BICDL1: variants seen among roughly 807,000 people sequenced by gnomAD.
BICDL1 encodes BICD family like cargo adaptor 1.
In BICDL1, 20 loss-of-function variants were observed where a neutral mutation model predicts 76.8. The ratio of observed to expected loss-of-function variants is 0.26; its 90% CI spans 0.18 to 0.38. BICDL1 has a LOEUF of 0.38. BICDL1 is among the 10% of genes least tolerant of loss of function. The pLI, the probability that BICDL1 is intolerant of heterozygous loss-of-function variation, is 1.00. For synonymous variants in BICDL1, 383 were observed against 337.1 expected (o/e 1.14, Z -1.49); for missense variants, 700 against 798.6 (o/e 0.88, Z 1.49).
chr12:120,090,626 C>T (rs899904837), intron 9 of BICDL1: 2 of 350,786 alleles, frequency 5.7e-6, no homozygotes, highest in Non-Finnish European at 1.1e-5. Context: ...GGGTTTTGTT[C>T]GTGAGGTTGA....
chr12:120,089,585 TTGGTCAGGC>T (rs1566273239), intron 8 of BICDL1, among the ~76,000 whole-genome samples: 2 of 152,192 alleles, frequency 1.3e-5, no homozygotes, highest in Non-Finnish European at 1.5e-5. Flanking sequence ...TTTCTCCATG[TTGGTCAGGC>T]TGGTCTCGAA....
intron 2 of BICDL1, among the ~76,000 whole-genome samples, chr12:120,025,333 A>T (rs1952275899): frequency 6.6e-6 from 1 of 151,996 alleles, no homozygotes. Flanking sequence ...TACAGGCGTG[A>T]ACCACCGCGC....
At chr12:120,034,838 T>C (rs1234925237) in intron 2 of BICDL1, among the ~76,000 whole-genome samples, 1 of 152,228 alleles carries the variant, frequency 6.6e-6, no homozygotes, top group Non-Finnish European at 1.5e-5. Context: ...ACACAGCTGA[T>C]TGCCTCCTCA....
intron 9 of BICDL1, chr12:120,092,716 C>T (rs1269251700): frequency 1.0e-6 from 1 of 985,380 alleles, no homozygotes; most frequent in Non-Finnish European, 1.2e-6. Context: ...CAGGGAGAGA[C>T]CACCCGAGCC....
At chr12:120,031,268 A>G (rs1952418013) in intron 2 of BICDL1, among the ~76,000 whole-genome samples, 2 of 150,236 alleles carry the variant, frequency 1.3e-5, no homozygotes, top group Admixed American at 6.6e-5. Context: ...CAGTGGCACA[A>G]TCTCAGCTCA....
chr12:120,020,118 G>T (rs1594124218), intron 2 of BICDL1, among the ~76,000 whole-genome samples: 1 of 152,170 alleles, frequency 6.6e-6, no homozygotes, highest in South Asian at 2.1e-4. Context: ...TTTAATTTCT[G>T]AATAACCAGG....
chr12:119,991,256 T>A (rs1951516870), intron 1 of BICDL1, among the ~76,000 whole-genome samples: 1 of 152,254 alleles, frequency 6.6e-6, no homozygotes, highest in Admixed American at 6.5e-5. Context: ...CTTTTCATTC[T>A]TAGTTACAGC....
chr12:120,068,605 C>A (rs191518392), intron 4 of BICDL1, among the ~76,000 whole-genome samples: 364 of 152,352 alleles, frequency 2.4e-3, no homozygotes, highest in African/African-American at 7.4e-3. Flanking sequence ...AACTTGAGGT[C>A]AGGAGTTCGA....
rs1398016353 is a variant in BICDL1 at position 119,999,035 on chromosome 12, C to T, written c.645+299C>T. 4.5e-5 allele frequency among the ~76,000 whole-genome samples: 6 copies of T among 134,824 alleles called. No individual in the cohort carries two copies. In the East Asian group the frequency reaches 9.6e-4, roughly 22 times the overall value. 88.4% of individuals were successfully genotyped at this position (134,824 alleles called of 152,430 possible). The stretch of plus-strand genomic sequence containing the variant: ...TCAGTCATGCCACTACACTCCAGCC[C>T]GGGCAACAGAGTGACAGCCTGTCTC... On this transcript the variant is annotated intron_variant, in intron 2 of 9. Coordinates refer to ENST00000548673, the MANE Select transcript of BICDL1 (RefSeq NM_001367886.1).
chr12:120,055,953 G>T (rs991771306), intron 2 of BICDL1, among the ~76,000 whole-genome samples: 4 of 152,160 alleles, frequency 2.6e-5, no homozygotes, highest in African/African-American at 9.7e-5. Context: ...ACAAAGATGG[G>T]TGAACAAAGA....
At chr12:120,009,057 G>A (rs1326187327) in intron 2 of BICDL1, among the ~76,000 whole-genome samples, 2 of 151,186 alleles carry the variant, frequency 1.3e-5, no homozygotes, top group African/African-American at 2.4e-5. Flanking sequence ...GCGCAATCTC[G>A]GCTCACTGCA....
At chr12:120,036,736 C>T (rs1001611156) in intron 2 of BICDL1, among the ~76,000 whole-genome samples, 3 of 152,074 alleles carry the variant, frequency 2.0e-5, no homozygotes, top group Non-Finnish European at 4.4e-5. Context: ...ATTAGCCGGG[C>T]GTGGTGGCAT....
intron 2 of BICDL1, among the ~76,000 whole-genome samples, chr12:120,060,513 C>T (rs1300863940): frequency 6.6e-6 from 1 of 152,118 alleles, no homozygotes; most frequent in Non-Finnish European, 1.5e-5. Context: ...CATTACTTCA[C>T]TGACTGAAAC....
intron 8 of BICDL1, among the ~76,000 whole-genome samples, chr12:120,088,460 G>T (rs1163054784): frequency 6.7e-6 from 1 of 149,460 alleles, no homozygotes; most frequent in South Asian, 2.1e-4. Flanking sequence ...AGGTTCAAGC[G>T]ATTCTCCTGC....
intron 2 of BICDL1, among the ~76,000 whole-genome samples, chr12:120,030,029 T>C (rs1451513660): frequency 1.3e-5 from 2 of 152,206 alleles, no homozygotes; most frequent in Non-Finnish European, 2.9e-5. Context: ...GAAGGATAAC[T>C]GGCAAAAATT....
intron 3 of BICDL1, 23 bp from the exon 4 acceptor site, chr12:120,064,710 C>T: frequency 6.3e-7 from 1 of 1,591,234 alleles, no homozygotes; most frequent in Non-Finnish European, 8.5e-7. Context: ...CCACACCACC[C>T]CTGTGGCTCT....
chr12:119,991,895 T>A (rs1001923201), intron 1 of BICDL1, among the ~76,000 whole-genome samples: 3 of 152,226 alleles, frequency 2.0e-5, no homozygotes, highest in Non-Finnish European at 4.4e-5. Flanking sequence ...TGTAAAAGAA[T>A]AAATTATCTT....
chr12:120,092,383 G>A (rs1875047601), intron 9 of BICDL1: 1 of 985,382 alleles, frequency 1.0e-6, no homozygotes, highest in Non-Finnish European at 1.2e-6. Context: ...AGCCCCTGAA[G>A]ACCGTGAGGC....
In BICDL1 at chr12:120,043,680, C is replaced by A. The variant is rs937468445; in HGVS notation, c.646-18030C>A. Among the ~76,000 whole-genome samples, 17 of 152,182 alleles carry A rather than the reference C, an allele frequency of 1.1e-4. 1 individual carries two copies. The highest frequency in any genetic ancestry group is 9.2e-4 in the Admixed American group (14 of 15,270). On this transcript the variant is annotated intron_variant, in intron 2 of 9. Coordinates refer to ENST00000548673, the MANE Select transcript of BICDL1 (RefSeq NM_001367886.1). ...ATTATCTCATTAATTCTCTGGTGATCCTGGTGGAACCTTGCTAAAGGGGCA... is the reference window on the plus strand; with the variant it reads ...ATTATCTCATTAATTCTCTGGTGATACTGGTGGAACCTTGCTAAAGGGGCA...
Sources: gnomAD v4.1 joint callset for allele counts (sites outside exome capture counted in the v4.1 genomes callset) on GRCh38, gnomAD v4.1.1 for gene constraint, MANE v1.5 for transcripts, NCBI Gene and HGNC (gene_info 2026-07-23, HGNC 2026-07-21) for gene names.